The following NTNG1 variants were observed in gnomAD, a reference collection of about 807,000 sequenced individuals.
The protein encoded by NTNG1 is netrin G1, also known as netrin-G1.
NTNG1 carries 16 observed loss-of-function variants against 54.0 expected under a neutral mutation model. That is an observed-to-expected ratio of 0.30 (90% CI 0.20 to 0.45). The LOEUF is 0.45. Ranked by LOEUF, NTNG1 falls within the 20% of genes least tolerant of loss-of-function variation. The probability of loss-of-function intolerance (pLI) is 1.00; values close to 1 mark genes in which losing one functional copy is unlikely to be tolerated. For missense variants in NTNG1, 530 were observed against 678.7 expected (o/e 0.78, Z 2.43); for synonymous variants, 255 against 263.1 (o/e 0.97, Z 0.30).
At chr1:107,153,856 T>C (rs1237579720) in intron 2 of NTNG1, among the ~76,000 whole-genome samples, 2 of 152,196 alleles carry the variant, frequency 1.3e-5, no homozygotes, top group Non-Finnish European at 2.9e-5. Flanking sequence ...TGGCATAGCA[T>C]GCATGGCTTG....
intron 3 of NTNG1, among the ~76,000 whole-genome samples, chr1:107,378,974 C>T (rs936665526): frequency 6.6e-6 from 1 of 152,184 alleles, no homozygotes; most frequent in Admixed American, 6.5e-5. Flanking sequence ...AAATATAACC[C>T]TGCAATAGAA....
chr1:107,223,947 A>G (rs906437175), intron 2 of NTNG1, among the ~76,000 whole-genome samples: 1 of 152,182 alleles, frequency 6.6e-6, no homozygotes, highest in Non-Finnish European at 1.5e-5. Context: ...TAATGACAAT[A>G]CAAGAGCTAA....
At chr1:107,480,024 C>G (rs554979207) in intron 7 of NTNG1, among the ~76,000 whole-genome samples, 55 of 152,228 alleles carry the variant, frequency 3.6e-4, no homozygotes, top group African/African-American at 1.3e-3. Flanking sequence ...CAAGCTTTCT[C>G]TCTTCCCATC....
chr1:107,398,135 G>C (rs1672799402), intron 4 of NTNG1, among the ~76,000 whole-genome samples: 1 of 152,024 alleles, frequency 6.6e-6, no homozygotes, highest in Admixed American at 6.6e-5. Flanking sequence ...CACTCATCCT[G>C]GATAATCTCT....
intron 3 of NTNG1, among the ~76,000 whole-genome samples, chr1:107,340,114 T>C (rs915214565): frequency 1.3e-5 from 2 of 152,096 alleles, no homozygotes; most frequent in African/African-American, 4.8e-5. Flanking sequence ...TCTCCATATG[T>C]TATCTTAAAC....
chr1:107,292,088 T>C (rs1235357392), intron 2 of NTNG1, among the ~76,000 whole-genome samples: 1 of 152,126 alleles, frequency 6.6e-6, no homozygotes, highest in Non-Finnish European at 1.5e-5. Context: ...ACTACATTAG[T>C]TCTTAAAATG....
intron 3 of NTNG1, among the ~76,000 whole-genome samples, chr1:107,394,593 CT>C (rs1672564545): frequency 6.6e-6 from 1 of 152,160 alleles, no homozygotes; most frequent in African/African-American, 2.4e-5. Context: ...AAAATCTCTT[CT>C]GATCTGAGGA....
chr1:107,436,878 C>A, intron 7 of NTNG1, 79 bp downstream of exon 7: 1 of 1,338,414 alleles, frequency 7.5e-7, no homozygotes, highest in Admixed American at 2.0e-5. Flanking sequence ...CGTGCAGCTT[C>A]TCAGAGCAGA....
chr1:107,383,526 A>G (rs999027977), intron 3 of NTNG1, among the ~76,000 whole-genome samples: 3 of 152,258 alleles, frequency 2.0e-5, no homozygotes, highest in Non-Finnish European at 4.4e-5. Context: ...ACCATAAACC[A>G]CAGAATGGAT....
At chr1:107,327,169 C>A (rs1486779641) in intron 3 of NTNG1, among the ~76,000 whole-genome samples, 1 of 152,156 alleles carries the variant, frequency 6.6e-6, no homozygotes. Flanking sequence ...ATAAGGTCTT[C>A]TTCTGTCACC....
intron 3 of NTNG1, among the ~76,000 whole-genome samples, chr1:107,347,596 G>A (rs1322848299): frequency 1.3e-5 from 2 of 152,178 alleles, no homozygotes; most frequent in African/African-American, 2.4e-5. Flanking sequence ...TGCACTTGGT[G>A]TCTAGTACAT....
At chr1:107,212,594 T>C (rs1167720932) in intron 2 of NTNG1, among the ~76,000 whole-genome samples, 2 of 152,172 alleles carry the variant, frequency 1.3e-5, no homozygotes, top group Non-Finnish European at 2.9e-5. Flanking sequence ...TATAGACACT[T>C]CTTGTTTTCT....
chr1:107,345,424 T>C (rs1669157757), intron 3 of NTNG1, among the ~76,000 whole-genome samples: 1 of 152,202 alleles, frequency 6.6e-6, no homozygotes. Flanking sequence ...TGGAAGGCAA[T>C]GTGCTCAGCA....
intron 4 of NTNG1, among the ~76,000 whole-genome samples, chr1:107,405,074 G>A (rs191803318): frequency 3.9e-5 from 6 of 152,096 alleles, no homozygotes; most frequent in Admixed American, 6.5e-5. Flanking sequence ...AGCCCTTTCC[G>A]TCTTATCCCC....
intron 2 of NTNG1, among the ~76,000 whole-genome samples, chr1:107,235,945 C>T (rs1038850737): frequency 3.9e-5 from 6 of 152,086 alleles, no homozygotes; most frequent in Admixed American, 3.3e-4. Flanking sequence ...ACTCTGCCCC[C>T]ACACCAACAG....
chr1:107,390,669 A>G (rs1672304973), intron 3 of NTNG1, among the ~76,000 whole-genome samples: 1 of 152,212 alleles, frequency 6.6e-6, no homozygotes, highest in South Asian at 2.1e-4. Flanking sequence ...GTCAAATTAG[A>G]CACAGTAGAA....
At position 107,148,240 on chromosome 1, in the gene NTNG1, T is replaced by G. The variant is rs977072910; in HGVS notation, c.-354T>G. 2.5e-5 allele frequency: 5 copies of G among 196,382 alleles called. No homozygotes were observed. The highest frequency in any genetic ancestry group is 1.2e-4 in the African/African-American group (5 of 42,396). The allele number at this position is 196,382 out of a possible 1,614,324, so 12.2% of individuals were successfully genotyped here. On this transcript the variant is annotated 5_prime_UTR_variant, in exon 2 of 8. Transcript: ENST00000370068. ...GATGTACAACGGGAGAGCCATCGCT[T>G]TGCTAAATTATTATCTGCAATTGGA...
chr1:107,465,670 C>A (rs542345611), intron 7 of NTNG1, among the ~76,000 whole-genome samples: 68 of 152,240 alleles, frequency 4.5e-4, no homozygotes, highest in African/African-American at 1.6e-3. Context: ...ATATCTGGAG[C>A]AGAGACACCT....
At chr1:107,421,042 T>C in intron 5 of NTNG1, 1 of 1,412,274 alleles carries the variant, frequency 7.1e-7, no homozygotes, top group Non-Finnish European at 1.0e-6. Context: ...AACGTTTCAC[T>C]ATTGTTTCTA....
Sources: allele counts gnomAD v4.1 joint callset (sites outside exome capture counted in the v4.1 genomes callset), GRCh38; gene constraint gnomAD v4.1.1; transcripts MANE v1.5; gene names NCBI Gene and HGNC (gene_info 2026-07-23, HGNC 2026-07-21).